The following TBL1XR1 variants were observed in gnomAD, a reference collection of about 807,000 sequenced individuals.
TBL1XR1 encodes F-box-like/WD repeat-containing protein TBL1XR1.
In TBL1XR1, 5 loss-of-function variants were observed where a neutral mutation model predicts 66.9. That is an observed-to-expected ratio of 0.07 (90% CI 0.04 to 0.16). TBL1XR1 has a LOEUF of 0.16. Among genes scored for constraint, TBL1XR1 ranks in the 10% least tolerant of loss-of-function variants. The pLI is 1.00. For missense variants in TBL1XR1, 238 were observed against 623.2 expected (o/e 0.38, Z 6.58); for synonymous variants, 210 against 206.0 (o/e 1.02, Z -0.17).
At chr3:177,103,325 T>G (rs1412811503) in intron 1 of TBL1XR1, among the ~76,000 whole-genome samples, 1 of 152,228 alleles carries the variant, frequency 6.6e-6, no homozygotes, top group Non-Finnish European at 1.5e-5. Flanking sequence ...CTACATAAAC[T>G]AAATATATTT....
intron 1 of TBL1XR1, among the ~76,000 whole-genome samples, chr3:177,129,325 G>C (rs937065554): frequency 2.0e-5 from 3 of 152,090 alleles, no homozygotes; most frequent in Non-Finnish European, 4.4e-5. Flanking sequence ...CAAGGATACA[G>C]AATGTAAACA....
At chr3:177,057,578 T>G (rs1375526684) in intron 3 of TBL1XR1, among the ~76,000 whole-genome samples, 2 of 152,218 alleles carry the variant, frequency 1.3e-5, no homozygotes, top group Non-Finnish European at 2.9e-5. Flanking sequence ...ATCTAAAACT[T>G]GAACTAGTTT....
intron 10 of TBL1XR1, among the ~76,000 whole-genome samples, chr3:177,045,633 A>T (rs1716230178): frequency 6.6e-6 from 1 of 152,194 alleles, no homozygotes; most frequent in African/African-American, 2.4e-5. Context: ...ATACTCAGGT[A>T]CCTGGATCCA....
chr3:177,150,542 A>T (rs1730763046), intron 1 of TBL1XR1, among the ~76,000 whole-genome samples: 1 of 152,228 alleles, frequency 6.6e-6, no homozygotes, highest in Admixed American at 6.5e-5. Flanking sequence ...TACCTAGGAA[A>T]ACAAAACAAA....
At chr3:177,153,424 T>A (rs1395335453) in intron 1 of TBL1XR1, among the ~76,000 whole-genome samples, 1 of 152,190 alleles carries the variant, frequency 6.6e-6, no homozygotes, top group African/African-American at 2.4e-5. Flanking sequence ...CAAAAGTTCC[T>A]CTAAATGAGT....
intron 2 of TBL1XR1, among the ~76,000 whole-genome samples, chr3:177,069,783 A>AAAGGAAAGGAAGG (rs145829799): frequency 3.1e-5 from 3 of 95,382 alleles, no homozygotes; most frequent in African/African-American, 1.2e-4. Flanking sequence ...GAAAGGAAGG[A>AAAGGAAAGGAAGG]AAAGGAAGGA....
At chr3:177,025,865 A>G in intron 15 of TBL1XR1, 1 of 322,156 alleles carries the variant, frequency 3.1e-6, no homozygotes, top group Non-Finnish European at 5.7e-6. Flanking sequence ...CAGCTACAGC[A>G]TCAGTAAATA....
intron 1 of TBL1XR1, among the ~76,000 whole-genome samples, chr3:177,135,176 A>C (rs1165713988): frequency 2.0e-5 from 3 of 149,536 alleles, no homozygotes; most frequent in Non-Finnish European, 4.4e-5. Context: ...TAATTTTTGT[A>C]TTTTTAGTAG....
Position 177,032,944 on chromosome 3 carries a change from TTGAC to T in TBL1XR1, c.1416+23_1416+26del, listed in dbSNP as rs1164022104. 7 of 1,503,042 alleles carry T rather than the reference TTGAC, an allele frequency of 4.7e-6. No individual in the cohort carries two copies. In the African/African-American group the frequency reaches 9.7e-5, roughly 21 times the overall value. The allele number at this position is 1,503,042 out of a possible 1,614,324, so 93.1% of individuals were successfully genotyped here. On this transcript the variant is annotated intron_variant, in intron 14 of 15. Transcript: ENST00000457928. ...TGCTTCTACCTAAATTTAAGAGCAC[TTGAC>T]CATTTAAATAATGAAGACATACCTG... is the stretch of plus-strand genomic sequence containing the variant.
intron 1 of TBL1XR1, among the ~76,000 whole-genome samples, chr3:177,115,042 G>A (rs1019894642): frequency 5.9e-5 from 9 of 151,944 alleles, no homozygotes; most frequent in African/African-American, 1.9e-4. Flanking sequence ...CTGTAAGGAG[G>A]AGTGAGGCGG....
intron 14 of TBL1XR1, among the ~76,000 whole-genome samples, chr3:177,030,836 G>T (rs2108398118): frequency 6.6e-6 from 1 of 152,298 alleles, no homozygotes; most frequent in African/African-American, 2.4e-5. Context: ...GTGAGGCCGG[G>T]CATGGTGGCT....
chr3:177,108,864 G>A (rs1560184667), intron 1 of TBL1XR1, among the ~76,000 whole-genome samples: 1 of 152,124 alleles, frequency 6.6e-6, no homozygotes, highest in Non-Finnish European at 1.5e-5. Flanking sequence ...AAGGAAGGAA[G>A]AAACAGAAAA....
At chr3:177,160,224 G>A (rs1163971141) in intron 1 of TBL1XR1, among the ~76,000 whole-genome samples, 1 of 152,086 alleles carries the variant, frequency 6.6e-6, no homozygotes, top group Non-Finnish European at 1.5e-5. Context: ...TGTAATCCCA[G>A]CACTTTGGGA....
At chr3:177,146,856 G>A (rs1730318110) in intron 1 of TBL1XR1, among the ~76,000 whole-genome samples, 1 of 152,080 alleles carries the variant, frequency 6.6e-6, no homozygotes, top group African/African-American at 2.4e-5. Context: ...GAAAATTAAA[G>A]AAGGCTGGTT....
intron 12 of TBL1XR1, among the ~76,000 whole-genome samples, chr3:177,034,928 G>A (rs942143190): frequency 6.8e-6 from 1 of 146,762 alleles, no homozygotes; most frequent in Non-Finnish European, 1.5e-5. Context: ...AAATCAACAC[G>A]AAGAGTATTT....
chr3:177,042,971 T>C (rs1196486115), intron 10 of TBL1XR1, among the ~76,000 whole-genome samples: 1 of 152,132 alleles, frequency 6.6e-6, no homozygotes, highest in African/African-American at 2.4e-5. Context: ...GTTTAAAGCA[T>C]ACAATTCAAT....
chr3:177,039,171 T>A (rs868717943), intron 10 of TBL1XR1, among the ~76,000 whole-genome samples: 1 of 152,178 alleles, frequency 6.6e-6, no homozygotes, highest in African/African-American at 2.4e-5. Context: ...CCCCATGATA[T>A]TGCCTTATGT....
intron 2 of TBL1XR1, among the ~76,000 whole-genome samples, chr3:177,092,228 C>T (rs1056134915): frequency 2.0e-5 from 3 of 152,098 alleles, no homozygotes; most frequent in South Asian, 2.1e-4. Flanking sequence ...TCCATCTATA[C>T]TTAGCACCAC....
intron 1 of TBL1XR1, among the ~76,000 whole-genome samples, chr3:177,195,134 ATAG>A (rs1266937107): frequency 6.6e-6 from 1 of 152,144 alleles, no homozygotes; most frequent in Non-Finnish European, 1.5e-5. Flanking sequence ...GTCAAAAAAA[ATAG>A]TAGTTATTTA....
Sources: allele counts gnomAD v4.1 joint callset (sites outside exome capture counted in the v4.1 genomes callset), GRCh38; gene constraint gnomAD v4.1.1; transcripts MANE v1.5; gene names NCBI Gene and HGNC (gene_info 2026-07-23, HGNC 2026-07-21).